AGBL4: variants seen among roughly 807,000 people sequenced by gnomAD.
The protein encoded by AGBL4 is cytosolic carboxypeptidase 6.
In AGBL4, 58 loss-of-function variants were observed where a neutral mutation model predicts 66.4. That is an observed-to-expected ratio of 0.87 (90% CI 0.71 to 1.09). The LOEUF is 1.09. Ranked by LOEUF, AGBL4 falls within the 50% of genes least tolerant of loss-of-function variation. The pLI is 0.00. For synonymous variants in AGBL4, 234 were observed against 222.9 expected (o/e 1.05, Z -0.44); for missense variants, 579 against 631.0 (o/e 0.92, Z 0.88).
At chr1:49,609,458 A>G (rs555224643) in intron 3 of AGBL4, among the ~76,000 whole-genome samples, 167 of 152,300 alleles carry the variant, frequency 1.1e-3, no homozygotes, top group African/African-American at 3.7e-3. Flanking sequence ...AATTCAGTAA[A>G]TGTGAATCAA....
At chr1:49,299,926 G>A (rs973670665) in intron 3 of AGBL4, among the ~76,000 whole-genome samples, 2 of 151,478 alleles carry the variant, frequency 1.3e-5, no homozygotes, top group African/African-American at 4.9e-5. Context: ...ATTTTTTAAT[G>A]TTGAGCCAGT....
At chr1:49,383,753 TAAC>T (rs745796273) in intron 3 of AGBL4, among the ~76,000 whole-genome samples, 52 of 151,548 alleles carry the variant, frequency 3.4e-4, no homozygotes, top group Non-Finnish European at 6.2e-4. Context: ...CTGGCACAGA[TAAC>T]AAAAGCAAAA....
At chr1:49,598,311 T>A (rs1644888474) in intron 3 of AGBL4, among the ~76,000 whole-genome samples, 1 of 152,170 alleles carries the variant, frequency 6.6e-6, no homozygotes, top group Non-Finnish European at 1.5e-5. Context: ...GGGTTTCCAG[T>A]TTTTCTGCTC....
chr1:48,683,634 A>G (rs1646488514), intron 6 of AGBL4, among the ~76,000 whole-genome samples: 1 of 152,208 alleles, frequency 6.6e-6, no homozygotes, highest in African/African-American at 2.4e-5. Flanking sequence ...CTGGGCCTCA[A>G]AGAGGGTCTG....
chr1:48,777,700 C>G (rs1392878990), intron 6 of AGBL4, among the ~76,000 whole-genome samples: 1 of 152,022 alleles, frequency 6.6e-6, no homozygotes, highest in Non-Finnish European at 1.5e-5. Flanking sequence ...GGAGCAGTGG[C>G]GCCCCTCTCC....
chr1:49,697,584 A>C (rs1647011560), intron 2 of AGBL4, 147 bp from the exon 3 acceptor site: 1 of 646,676 alleles, frequency 1.5e-6, no homozygotes, highest in African/African-American at 1.8e-5. Flanking sequence ...AAGGGCTGCC[A>C]AGTCTGAATG....
At chr1:49,031,175 C>T (rs577237598) in intron 5 of AGBL4, among the ~76,000 whole-genome samples, 3 of 152,174 alleles carry the variant, frequency 2.0e-5, no homozygotes, top group Non-Finnish European at 2.9e-5. Context: ...ACAGCCTTGA[C>T]CTCCCAGGCT....
At chr1:49,198,191 C>T (rs966553526) in intron 4 of AGBL4, among the ~76,000 whole-genome samples, 18 of 152,118 alleles carry the variant, frequency 1.2e-4, no homozygotes, top group Admixed American at 2.0e-4. Context: ...ATTGGGGCTT[C>T]ACTCGCAGTT....
chr1:49,991,751 T>C (rs1349731554), intron 1 of AGBL4, among the ~76,000 whole-genome samples: 1 of 152,168 alleles, frequency 6.6e-6, no homozygotes, highest in Non-Finnish European at 1.5e-5. Context: ...TCCCCAAGTT[T>C]GACAACTTAG....
In AGBL4 at chr1:49,379,218, T is replaced by C. The variant is rs1644538607; in HGVS notation, c.283-133354A>G. On this transcript the variant is annotated intron_variant, in intron 3 of 13. Coordinates refer to ENST00000371839, the MANE Select transcript of AGBL4 (RefSeq NM_032785.4). The stretch of plus-strand genomic sequence containing the variant: ...ACTGCCTTGATGATGTCATCCCTGA[T>C]CTTCTATCATTCCCCACTTTGTAAT... Among the ~76,000 whole-genome samples, 2 of 152,140 alleles carry C rather than the reference T, an allele frequency of 1.3e-5. 1 individual carries two copies. The highest frequency in any genetic ancestry group is 2.9e-5 in the Non-Finnish European group (2 of 68,010).
chr1:49,667,929 T>G (rs1646401073), intron 3 of AGBL4, among the ~76,000 whole-genome samples: 1 of 152,198 alleles, frequency 6.6e-6, no homozygotes, highest in African/African-American at 2.4e-5. Flanking sequence ...TACTTAACCT[T>G]TCTGATCATC....
intron 3 of AGBL4, among the ~76,000 whole-genome samples, chr1:49,392,064 G>A (rs1336901113): frequency 6.6e-6 from 1 of 152,136 alleles, no homozygotes; most frequent in Non-Finnish European, 1.5e-5. Context: ...AGTGTGCCTA[G>A]GTGATAAAGC....
intron 3 of AGBL4, among the ~76,000 whole-genome samples, chr1:49,369,173 T>A (rs1236865081): frequency 6.6e-6 from 1 of 152,206 alleles, no homozygotes; most frequent in African/African-American, 2.4e-5. Context: ...AAAGGTTTGC[T>A]GAAGTCAAGA....
intron 4 of AGBL4, among the ~76,000 whole-genome samples, chr1:49,130,677 C>G (rs1645872577): frequency 6.6e-6 from 1 of 152,014 alleles, no homozygotes; most frequent in Non-Finnish European, 1.5e-5. Flanking sequence ...ATCTATGTCT[C>G]TGTTTTGGTA....
intron 5 of AGBL4, among the ~76,000 whole-genome samples, chr1:48,965,167 T>C (rs1347158802): frequency 1.3e-5 from 2 of 152,064 alleles, no homozygotes; most frequent in African/African-American, 4.8e-5. Context: ...CAGGTAGAGA[T>C]GAAAGGCAGA....
At chr1:48,541,270 GTC>G (rs1026791609) in intron 11 of AGBL4, among the ~76,000 whole-genome samples, 2 of 152,142 alleles carry the variant, frequency 1.3e-5, no homozygotes, top group African/African-American at 4.8e-5. Context: ...TGGGATAGGG[GTC>G]TCTCCTAGGT....
intron 2 of AGBL4, among the ~76,000 whole-genome samples, chr1:49,844,071 G>A (rs1389194444): frequency 6.6e-6 from 1 of 152,198 alleles, no homozygotes; most frequent in African/African-American, 2.4e-5. Flanking sequence ...GACAAAATAA[G>A]GCAGATCAAA....
At chr1:49,922,930 C>T (rs779167498) in intron 1 of AGBL4, among the ~76,000 whole-genome samples, 1 of 152,120 alleles carries the variant, frequency 6.6e-6, no homozygotes, top group African/African-American at 2.4e-5. Context: ...ATTAAATTAG[C>T]ATTGAGATTC....
At chr1:49,672,370 C>T (rs1646494987) in intron 3 of AGBL4, among the ~76,000 whole-genome samples, 1 of 151,588 alleles carries the variant, frequency 6.6e-6, no homozygotes, top group African/African-American at 2.4e-5. Context: ...GGAAGAGGAG[C>T]AGAAATAATA....
Sources: gnomAD v4.1 joint callset for allele counts (sites outside exome capture counted in the v4.1 genomes callset) on GRCh38, gnomAD v4.1.1 for gene constraint, MANE v1.5 for transcripts, NCBI Gene and HGNC (gene_info 2026-07-23, HGNC 2026-07-21) for gene names.